The following TNS1 variants were observed in gnomAD, a reference collection of about 807,000 sequenced individuals.
TNS1 encodes the protein tensin-1.
TNS1 carries 62 observed loss-of-function variants against 168.6 expected under a neutral mutation model. The ratio of observed to expected loss-of-function variants is 0.37; its 90% CI spans 0.30 to 0.45. The LOEUF is 0.45. Ranked by LOEUF, TNS1 falls within the 20% of genes least tolerant of loss-of-function variation. TNS1 has a pLI of 1.00. For missense variants in TNS1, 2,240 were observed against 2,339.4 expected, an observed-to-expected ratio of 0.96 and a Z score of 0.88; for synonymous variants, 934 against 933.2, an observed-to-expected ratio of 1.00 and a Z score of -0.02.
At chr2:217,912,570 G>A (rs1184662132) in intron 4 of TNS1, among the ~76,000 whole-genome samples, 1 of 152,210 alleles carries the variant, frequency 6.6e-6, no homozygotes, top group Non-Finnish European at 1.5e-5. Context: ...GCTAGCGAGG[G>A]CTGGAATGGC....
intron 6 of TNS1, chr2:217,903,659 C>A: frequency 6.8e-7 from 1 of 1,465,224 alleles, no homozygotes. Flanking sequence ...AATTCGACAG[C>A]CTCCCAGACA....
chr2:218,020,588 T>C (rs1958798926), intron 1 of TNS1, among the ~76,000 whole-genome samples: 1 of 150,992 alleles, frequency 6.6e-6, no homozygotes, highest in Non-Finnish European at 1.5e-5. Context: ...CTTTTGGGGA[T>C]AGGGTAAACA....
chr2:217,844,997 G>A (rs528229998), intron 19 of TNS1, among the ~76,000 whole-genome samples: 18 of 152,312 alleles, frequency 1.2e-4, no homozygotes, highest in African/African-American at 2.6e-4. Context: ...TAATAGGAAC[G>A]CTTCCAATGC....
At chr2:217,860,352 G>A (rs1948665601) in intron 18 of TNS1, among the ~76,000 whole-genome samples, 1 of 152,120 alleles carries the variant, frequency 6.6e-6, no homozygotes, top group Admixed American at 6.6e-5. Flanking sequence ...AGATAAAATG[G>A]GACAGCTCGG....
At position 217,803,499 on chromosome 2, in the gene TNS1, C is replaced by T. The variant is rs1937804257; in HGVS notation, c.*960G>A. 6.6e-6 allele frequency: 1 copy of T among 152,582 alleles called. No individual in the cohort carries two copies. The highest frequency in any genetic ancestry group is 2.1e-4 in the South Asian group (1 of 4,830). 9.5% of individuals were successfully genotyped at this position (152,582 alleles called of 1,614,324 possible). On this transcript the variant is annotated 3_prime_UTR_variant, in exon 33 of 33. Coordinates refer to ENST00000682258, the MANE Select transcript of TNS1 (RefSeq NM_001387777.1). The stretch of plus-strand genomic sequence containing the variant: ...GGGGAAGACACCCCGAGCTCAACAG[C>T]TGCCTGTTCTGACAGATCTCTTCCT...
At chr2:217,841,118 G>T (rs1270946058) in intron 19 of TNS1, 10 of 593,758 alleles carry the variant, frequency 1.7e-5, no homozygotes, top group African/African-American at 2.0e-5. Context: ...AATAGCACAT[G>T]AAGAAGGAGT....
At chr2:217,886,457 G>T in intron 13 of TNS1, 77 bp downstream of exon 13, 4 of 1,197,308 alleles carry the variant, frequency 3.3e-6, no homozygotes, top group Non-Finnish European at 4.8e-6. Context: ...TACTACCCAA[G>T]GTTGCCTCTT....
intron 7 of TNS1, among the ~76,000 whole-genome samples, 159 bp downstream of exon 7, chr2:217,900,304 C>T (rs549321011): frequency 9.6e-4 from 147 of 152,358 alleles, no homozygotes; most frequent in African/African-American, 3.0e-3. Context: ...CAACGGCATC[C>T]GCACGCATCC....
At chr2:217,974,547 A>T (rs1400593767) in intron 3 of TNS1, among the ~76,000 whole-genome samples, 2 of 152,200 alleles carry the variant, frequency 1.3e-5, no homozygotes, top group Non-Finnish European at 2.9e-5. Context: ...CAATCAACAC[A>T]TAGATAACAT....
intron 18 of TNS1, among the ~76,000 whole-genome samples, chr2:217,860,914 C>T (rs1948719228): frequency 6.6e-6 from 1 of 152,172 alleles, no homozygotes; most frequent in Non-Finnish European, 1.5e-5. Flanking sequence ...TCTCCACTAT[C>T]ATCCAGGGGG....
At chr2:218,018,253 C>T (rs1034279252) in intron 1 of TNS1, among the ~76,000 whole-genome samples, 7 of 152,236 alleles carry the variant, frequency 4.6e-5, no homozygotes, top group South Asian at 2.1e-4. Context: ...AGGCACCACA[C>T]GGCCAGAGAG....
chr2:217,983,248 C>A (rs548843737), intron 2 of TNS1, among the ~76,000 whole-genome samples: 2 of 152,294 alleles, frequency 1.3e-5, no homozygotes, highest in South Asian at 4.1e-4. Flanking sequence ...CTGAGTCCTC[C>A]CCCAGATACA....
chr2:217,895,430 G>A (rs1019499606), intron 8 of TNS1, among the ~76,000 whole-genome samples: 2 of 152,248 alleles, frequency 1.3e-5, no homozygotes, highest in Admixed American at 6.5e-5. Flanking sequence ...CCTGTTCCGT[G>A]AGCGGATGTC....
At chr2:217,917,660 A>G (rs1225154059) in intron 4 of TNS1, among the ~76,000 whole-genome samples, 1 of 151,952 alleles carries the variant, frequency 6.6e-6, no homozygotes, top group Non-Finnish European at 1.5e-5. Flanking sequence ...ATGAAACCCC[A>G]TCTCTACTAA....
At chr2:217,855,520 C>T (rs1237935008) in intron 18 of TNS1, among the ~76,000 whole-genome samples, 6 of 152,100 alleles carry the variant, frequency 3.9e-5, no homozygotes, top group Non-Finnish European at 2.9e-5. Context: ...TGTCTGTCTT[C>T]CCACTTTGCT....
At chr2:217,831,622 G>A (rs1944436121) in intron 21 of TNS1, 75 bp from the exon 22 acceptor site, 5 of 1,244,652 alleles carry the variant, frequency 4.0e-6, no homozygotes, top group African/African-American at 3.2e-5. Flanking sequence ...GCACGTGAGG[G>A]CACGCTTAGT....
chr2:217,887,124 G>C (rs1447543385), intron 12 of TNS1, among the ~76,000 whole-genome samples: 1 of 152,192 alleles, frequency 6.6e-6, no homozygotes, highest in Non-Finnish European at 1.5e-5. Context: ...CACAGATCCA[G>C]TAGCCACAAG....
intron 3 of TNS1, among the ~76,000 whole-genome samples, chr2:217,955,695 T>TGA (rs1957344882): frequency 6.6e-6 from 1 of 152,018 alleles, no homozygotes; most frequent in African/African-American, 2.4e-5. Context: ...ATTTGACAGG[T>TGA]GAGGGGACTG....
chr2:217,999,387 CA>C (rs1333440446), intron 1 of TNS1, among the ~76,000 whole-genome samples: 2 of 152,194 alleles, frequency 1.3e-5, no homozygotes, highest in Non-Finnish European at 2.9e-5. Flanking sequence ...GTGGGGAAAC[CA>C]AAGCACAGAG....
Sources: gnomAD v4.1 joint callset for allele counts (sites outside exome capture counted in the v4.1 genomes callset) on GRCh38, gnomAD v4.1.1 for gene constraint, MANE v1.5 for transcripts, NCBI Gene and HGNC (gene_info 2026-07-23, HGNC 2026-07-21) for gene names.